Variants in SMAP1 observed in about 807,000 individuals in gnomAD.
SMAP1 encodes stromal membrane-associated protein 1.
A neutral mutation model predicts 58.5 loss-of-function variants in SMAP1; 24 were observed. The ratio of observed to expected loss-of-function variants is 0.41; its 90% confidence interval spans 0.30 to 0.58. The LOEUF is 0.58. Ranked by LOEUF, SMAP1 falls within the 20% of genes least tolerant of loss-of-function variation. The pLI, the probability that SMAP1 is intolerant of heterozygous loss-of-function variation, is 0.29. For missense variants in SMAP1, 563 were observed against 566.3 expected (o/e 0.99, Z 0.06); for synonymous variants, 216 against 196.6 (o/e 1.10, Z -0.82).
intron 1 of SMAP1, among the ~76,000 whole-genome samples, chr6:70,717,973 C>G (rs569016735): frequency 6.6e-6 from 1 of 152,176 alleles, no homozygotes; most frequent in South Asian, 2.1e-4. Flanking sequence ...TTATCACTTG[C>G]CGGTTTTCAC....
chr6:70,780,269 A>G (rs1296950642), intron 4 of SMAP1, among the ~76,000 whole-genome samples: 1 of 152,098 alleles, frequency 6.6e-6, no homozygotes, highest in East Asian at 1.9e-4. Context: ...AAATTTGACA[A>G]CAGTTTGCAG....
intron 6 of SMAP1, among the ~76,000 whole-genome samples, chr6:70,808,370 A>G (rs1244941119): frequency 6.6e-6 from 1 of 152,128 alleles, no homozygotes; most frequent in Non-Finnish European, 1.5e-5. Context: ...TTTCACAACT[A>G]CTCTTTTCTT....
At chr6:70,720,603 T>C (rs1396515733) in intron 1 of SMAP1, among the ~76,000 whole-genome samples, 1 of 152,246 alleles carries the variant, frequency 6.6e-6, no homozygotes, top group Non-Finnish European at 1.5e-5. Context: ...AGCAAACTTG[T>C]GCCTGGGCAT....
intron 4 of SMAP1, among the ~76,000 whole-genome samples, chr6:70,786,051 C>T (rs1486905361): frequency 6.6e-6 from 1 of 152,188 alleles, no homozygotes; most frequent in African/African-American, 2.4e-5. Context: ...CAAAAATTCT[C>T]AATAAAATAC....
At chr6:70,752,794 A>G (rs1036889406) in intron 2 of SMAP1, among the ~76,000 whole-genome samples, 3 of 152,018 alleles carry the variant, frequency 2.0e-5, no homozygotes, top group Non-Finnish European at 2.9e-5. Flanking sequence ...AAGCTTACCA[A>G]TATATTTTTT....
chr6:70,724,304 C>T (rs1768668170), intron 1 of SMAP1, among the ~76,000 whole-genome samples: 1 of 151,942 alleles, frequency 6.6e-6, no homozygotes, highest in African/African-American at 2.4e-5. Flanking sequence ...TCAAGCAATT[C>T]TCCTGCCTCA....
rs138802649 is a variant in SMAP1 at position 70,721,631 on chromosome 6, A to T, written c.119-10747A>T. Among the ~76,000 whole-genome samples, 550 of 152,246 alleles carry T rather than the reference A, an allele frequency of 3.6e-3. 6 individuals are homozygous for T. Among genetic ancestry groups the T allele is most frequent in the Admixed American group, 0.019 (298 of 15,284 alleles). On this transcript the variant is annotated intron_variant, in intron 1 of 10. Coordinates refer to ENST00000370455, the MANE Select transcript of SMAP1 (RefSeq NM_001044305.3). ...TCTCCTGGTACCAATTTACTGTATT[A>T]ATCTGTTTTCATGCTGCTGATAAAG...
At chr6:70,822,534 T>C (rs756368085) in intron 6 of SMAP1, among the ~76,000 whole-genome samples, 2 of 152,162 alleles carry the variant, frequency 1.3e-5, no homozygotes, top group African/African-American at 2.4e-5. Context: ...AAAATAGGAA[T>C]GGGAAGGAAA....
intron 2 of SMAP1, among the ~76,000 whole-genome samples, chr6:70,733,416 T>G (rs1765503085): frequency 1.3e-5 from 2 of 152,234 alleles, no homozygotes; most frequent in Non-Finnish European, 2.9e-5. Context: ...TTTTATGTAC[T>G]TTCAAGATCC....
At chr6:70,714,176 A>T (rs575131273) in intron 1 of SMAP1, among the ~76,000 whole-genome samples, 152 of 151,416 alleles carry the variant, frequency 1.0e-3, no homozygotes, top group Non-Finnish European at 1.9e-3. Context: ...TTTTTTTTTT[A>T]AATTCATTTA....
intron 3 of SMAP1, among the ~76,000 whole-genome samples, chr6:70,756,087 T>A (rs928345763): frequency 7.2e-5 from 11 of 152,066 alleles, no homozygotes; most frequent in Admixed American, 2.0e-4. Context: ...AAAATCATAA[T>A]TCTGTAGGAT....
chr6:70,764,101 A>G (rs911828734), intron 3 of SMAP1, among the ~76,000 whole-genome samples: 2 of 150,310 alleles, frequency 1.3e-5, no homozygotes, highest in East Asian at 1.9e-4. Context: ...TTTTGTAAAG[A>G]TGGGCTTGCT....
intron 4 of SMAP1, among the ~76,000 whole-genome samples, chr6:70,791,361 C>T (rs1331380451): frequency 3.9e-5 from 6 of 152,076 alleles, no homozygotes; most frequent in Non-Finnish European, 7.4e-5. Context: ...TCAATAGTCA[C>T]GTCGACTAAA....
rs915550490 is a variant in SMAP1, at chr6:70,825,422, CT to C, written c.577-11509del. Among the ~76,000 whole-genome samples the C allele has an allele frequency of 4.1e-3, 610 of 150,100 alleles. 6 individuals carry two copies. Among genetic ancestry groups the C allele is most frequent in the African/African-American group, 0.013 (543 of 40,980 alleles). On this transcript the variant is annotated intron_variant, in intron 6 of 10. Transcript: ENST00000370455. ...TAATAAGTGGTATTATCAAAAACTA[CT>C]TTTTTTTTTCCTTCTCTGCAAACCT...
intron 1 of SMAP1, among the ~76,000 whole-genome samples, chr6:70,719,491 T>A (rs1328709480): frequency 6.6e-6 from 1 of 152,186 alleles, no homozygotes; most frequent in East Asian, 1.9e-4. Flanking sequence ...CTCTTTGTCC[T>A]TTATATATGT....
intron 1 of SMAP1, among the ~76,000 whole-genome samples, chr6:70,675,207 T>G (rs1182429395): frequency 2.0e-5 from 3 of 147,376 alleles, no homozygotes; most frequent in Non-Finnish European, 4.5e-5. Flanking sequence ...TGTTTTTTTT[T>G]TTTTTTTTTT....
At chr6:70,756,804 C>T (rs1300540844) in intron 3 of SMAP1, among the ~76,000 whole-genome samples, 1 of 152,118 alleles carries the variant, frequency 6.6e-6, no homozygotes, top group Non-Finnish European at 1.5e-5. Flanking sequence ...AGGAATCCAA[C>T]TTACAAGGGA....
At position 70,860,267 on chromosome 6, in the gene SMAP1, C is replaced by A. The variant is rs933216810; in HGVS notation, c.1337C>A (p.Ser446Tyr). The change falls in exon 11 of 11, where the codon TCC (serine) becomes TAC (tyrosine). Residue 446 changes from serine (S) to tyrosine (Y), a missense_variant. By Grantham distance (144) the Ser-to-Tyr change is moderately radical. Transcript: ENST00000370455. The stretch of plus-strand genomic sequence containing the variant: ...CCTACTGCAGGTTTTGGCCAGCCCT[C>A]CAGCACAACAGCAGGATGGTCTGGA... ...ATPTAGFGQP[S>Y]STTAGWSGSS... 3 of 1,613,652 alleles carry A rather than the reference C, an allele frequency of 1.9e-6. No individual in the cohort carries two copies. The highest frequency in any genetic ancestry group is 2.5e-6 in the Non-Finnish European group (3 of 1,179,876).
intron 4 of SMAP1, among the ~76,000 whole-genome samples, chr6:70,779,413 G>A (rs887526894): frequency 1.3e-5 from 2 of 152,190 alleles, no homozygotes; most frequent in Non-Finnish European, 2.9e-5. Flanking sequence ...GTGGGTGGGT[G>A]AGATCCAGTA....
Sources: gnomAD v4.1 joint callset for allele counts (sites outside exome capture counted in the v4.1 genomes callset) on GRCh38, gnomAD v4.1.1 for gene constraint, MANE v1.5 for transcripts, NCBI Gene and HGNC (gene_info 2026-07-23, HGNC 2026-07-21) for gene names.